The following RNF213 variants were observed in gnomAD, a reference collection of about 807,000 sequenced individuals.
The protein encoded by RNF213 is ring finger protein 213.
RNF213 carries 341 observed loss-of-function variants against 514.4 expected under a neutral mutation model. That is an observed-to-expected ratio of 0.66 (90% CI 0.61 to 0.73). RNF213 has a LOEUF of 0.73. Ranked by LOEUF, RNF213 falls within the 30% of genes least tolerant of loss-of-function variation. RNF213 has a pLI of 0.00. For synonymous variants in RNF213, 2,655 were observed against 2,658.2 expected (o/e 1.00, Z 0.04); for missense variants, 5,767 against 6,615.6 (o/e 0.87, Z 4.45).
At chr17:80,328,203 T>C (rs1440510593) in intron 19 of RNF213, 125 bp from the exon 20 acceptor site, 1 of 1,228,744 alleles carries the variant, frequency 8.1e-7, no homozygotes, top group African/African-American at 1.5e-5. Context: ...AAAAAGTGGG[T>C]ATGCGCAAAA....
rs1333222996 is a variant in RNF213 at position 80,356,224 on chromosome 17, A to C, written c.10862+1648A>C. Among the ~76,000 whole-genome samples, 3 of 151,708 alleles carry C rather than the reference A, an allele frequency of 2.0e-5. No individual in the cohort carries two copies. In the East Asian group the frequency reaches 5.8e-4, roughly 29 times the overall value. Reference sequence around the variant, plus strand: ...ACCATGTTGGCCAGGCTGGTCTCAAACTCCTGACCTCAGGTGATCCACTCG... The same window carrying C: ...ACCATGTTGGCCAGGCTGGTCTCAACCTCCTGACCTCAGGTGATCCACTCG... On this transcript the variant is annotated intron_variant, in intron 36 of 67. Coordinates refer to ENST00000582970, the MANE Select transcript of RNF213 (RefSeq NM_001256071.3).
At chr17:80,261,789 C>T (rs1485422091) in intron 1 of RNF213, among the ~76,000 whole-genome samples, 3 of 151,988 alleles carry the variant, frequency 2.0e-5, no homozygotes, top group African/African-American at 4.8e-5. Flanking sequence ...GAGGCCAAGG[C>T]GGGTGGGTCA....
Position 80,345,829 on chromosome 17 carries a change from C to T in RNF213, c.7494C>T (p.Ile2498=). ...EANTTEAISC[I]KEVLCDHMVD... is the part of the protein sequence containing the mutation. ...ACACAACGGAAGCTATAAGCTGTATCAAAGAAGTCCTGTGTGATCATATGG... is the reference window on the plus strand; with the variant it reads ...ACACAACGGAAGCTATAAGCTGTATTAAAGAAGTCCTGTGTGATCATATGG... Residue 2498 remains isoleucine, a synonymous_variant, in exon 29 of 68, where the codon ATC becomes ATT. Transcript: ENST00000582970. The surrounding 1 kb of genome is among the most constrained non-coding windows in gnomAD (Gnocchi z 6.0). 3 of 1,614,078 alleles carry T rather than the reference C, an allele frequency of 1.9e-6. No homozygotes were observed. The highest frequency in any genetic ancestry group is 2.5e-6 in the Non-Finnish European group (3 of 1,180,032).
At position 80,313,217 on chromosome 17, in the gene RNF213, T is replaced by G. The variant is rs749067103; in HGVS notation, c.2811+50T>G. 2.5e-5 allele frequency: 41 copies of G among 1,610,448 alleles called. 1 individual carries two copies. The Admixed American group carries it at 6.5e-4, about 26-fold the overall frequency. On this transcript the variant is annotated intron_variant, in intron 15 of 67. Transcript: ENST00000582970. The stretch of plus-strand genomic sequence containing the variant: ...GGGTAGGGATGTGACTGATCGTGAT[T>G]CCTCATGGCCTCAAATCATGGGGTA...
chr17:80,343,761 C>A lies in RNF213; in HGVS notation c.6184-96C>A. 3 of 1,256,530 alleles carry A rather than the reference C, an allele frequency of 2.4e-6. No homozygotes were observed. The highest frequency in any genetic ancestry group is 2.3e-6 in the Non-Finnish European group (2 of 856,258). 77.8% of individuals were successfully genotyped at this position (1,256,530 alleles called of 1,614,324 possible). On this transcript the variant is annotated intron_variant, in intron 27 of 67. Transcript: ENST00000582970. This position sits in a 1 kb window ranked among gnomAD's most constrained non-coding sequence, Gnocchi z 4.3. ...AAATGTTGATGTTGATCATCAGGAT[C>A]ATCGTGACAAAGAGCAAAATAAGGA...
chr17:80,318,359 T>A (rs1255480547), intron 16 of RNF213, among the ~76,000 whole-genome samples: 1 of 152,180 alleles, frequency 6.6e-6, no homozygotes, highest in African/African-American at 2.4e-5. Context: ...GACCCGCCCC[T>A]GTCTGCGTAG....
At chr17:80,276,679 T>C (rs2145182533) in intron 3 of RNF213, among the ~76,000 whole-genome samples, 1 of 151,842 alleles carries the variant, frequency 6.6e-6, no homozygotes. Context: ...AAATTGGAAG[T>C]GTTGTACAGT....
At chr17:80,285,989 T>G (rs2044459299) in intron 3 of RNF213, among the ~76,000 whole-genome samples, 1 of 150,884 alleles carries the variant, frequency 6.6e-6, no homozygotes, top group Non-Finnish European at 1.5e-5. Context: ...TGTTTTATTT[T>G]TGAGATGGAG....
intron 23 of RNF213, chr17:80,336,686 A>C (rs1176778074): frequency 2.6e-6 from 1 of 377,570 alleles, no homozygotes; most frequent in Non-Finnish European, 5.1e-6. Flanking sequence ...TTGTCATTTT[A>C]TTCTGTTACT....
At position 80,337,567 on chromosome 17, in the gene RNF213, T is replaced by A; in HGVS notation, c.4528-19T>A. The A allele has an allele frequency of 5.2e-6, 8 of 1,536,614 alleles. No individual in the cohort carries two copies. The highest frequency in any genetic ancestry group is 7.0e-6 in the Non-Finnish European group (8 of 1,146,432). On this transcript the variant is annotated intron_variant, in intron 23 of 67. Coordinates refer to ENST00000582970, the MANE Select transcript of RNF213 (RefSeq NM_001256071.3). ...CTCGCTCCAACCGTGGCCCGTGTTC[T>A]CTCCTTTTGTCCCCATAGTGTGACT...
intron 15 of RNF213, among the ~76,000 whole-genome samples, chr17:80,314,291 G>C (rs2045746715): frequency 2.0e-5 from 2 of 98,512 alleles, no homozygotes; most frequent in Admixed American, 9.8e-5. Flanking sequence ...TACTGGAGGT[G>C]ATGGTGGTGG....
In RNF213 at chr17:80,352,876, C is replaced by T. The variant is rs116425227; in HGVS notation, c.10304-64C>T. The T allele has an allele frequency of 1.2e-3, 2,005 of 1,611,226 alleles. 28 individuals carry two copies. In the African/African-American group the frequency reaches 0.023, roughly 18 times the overall value. On this transcript the variant is annotated intron_variant, in intron 32 of 67. Transcript: ENST00000582970. ...CAAGCCAGGGTGTGCAATGTCCCTG[C>T]TTAGGGCTGAGCAGCAGCCGGGAAA...
chr17:80,294,706 T>A lies in RNF213; in HGVS notation c.1472-14T>A. ...TGGTCTTAGGTAGGCTCTTGTTCCT[T>A]CTGTCCCTCTTAGACTGGCATCAGT... On this transcript the variant is annotated splice_polypyrimidine_tract_variant and intron_variant, in intron 8 of 67. Transcript: ENST00000582970. 6.2e-7 allele frequency: 1 copy of A among 1,613,704 alleles called. No homozygotes were observed. Among genetic ancestry groups the A allele is most frequent in the Middle Eastern group, 1.8e-4 (1 of 5,662 alleles).
At chr17:80,325,333 T>G (rs2046251790) in intron 18 of RNF213, 135 bp downstream of exon 18, 1 of 869,318 alleles carries the variant, frequency 1.2e-6, no homozygotes, top group Non-Finnish European at 1.7e-6. Flanking sequence ...GGCTGCAGTT[T>G]GGACAGAGAG....
Position 80,298,312 on chromosome 17 carries a change from C to T in RNF213, c.2013-9C>T. 1 of 1,613,968 alleles carries T rather than the reference C, an allele frequency of 6.2e-7. No homozygotes were observed. The highest frequency in any genetic ancestry group is 8.5e-7 in the Non-Finnish European group (1 of 1,179,966). ...CTCAGCTCACTGCGGGATCTTTATT[C>T]CCTTCCAGCTGGCGGCTGTACCTGG... On this transcript the variant is annotated splice_polypyrimidine_tract_variant and intron_variant, in intron 10 of 67. Transcript: ENST00000582970.
intron 11 of RNF213, among the ~76,000 whole-genome samples, chr17:80,302,784 A>C (rs112163422): frequency 1.7e-3 from 263 of 152,284 alleles, no homozygotes; most frequent in African/African-American, 5.8e-3. Flanking sequence ...CGCTTGAGCC[A>C]GGGAGGTCAA....
chr17:80,315,781 G>A (rs1006063854), intron 15 of RNF213: 3 of 43,110 alleles, frequency 7.0e-5, no homozygotes, highest in African/African-American at 8.1e-5. Flanking sequence ...GGTGGTGGTG[G>A]TGGTGGTGGT....
chr17:80,363,390 G>A, intron 40 of RNF213, 76 bp downstream of exon 40: 2 of 1,469,962 alleles, frequency 1.4e-6, no homozygotes, highest in Non-Finnish European at 1.9e-6. Flanking sequence ...AGAGCTTCTG[G>A]GGCTGTGTTC....
At chr17:80,386,144 C>T (rs2080227075) in intron 61 of RNF213, 106 bp from the exon 62 acceptor site, 4 of 1,119,568 alleles carry the variant, frequency 3.6e-6, no homozygotes, top group South Asian at 1.3e-5. Flanking sequence ...GACCCGGCTC[C>T]CGGCTGTGTG....
Sources: allele counts gnomAD v4.1 joint callset (sites outside exome capture counted in the v4.1 genomes callset), GRCh38; gene constraint gnomAD v4.1.1; non-coding constraint Gnocchi (gnomAD v3.1); transcripts MANE v1.5; gene names NCBI Gene and HGNC (gene_info 2026-07-23, HGNC 2026-07-21).